C1GALT1: variants seen among roughly 807,000 people sequenced by gnomAD.
The protein encoded by C1GALT1 is core 1 synthase, glycoprotein-N-acetylgalactosamine 3-beta-galactosyltransferase 1, also known as glycoprotein-N-acetylgalactosamine 3-beta-galactosyltransferase 1.
C1GALT1 carries 11 observed loss-of-function variants against 31.0 expected under a neutral mutation model. The observed-to-expected ratio is 0.36, with a 90% CI of 0.22 to 0.59. The LOEUF is 0.59. Among genes scored for constraint, C1GALT1 ranks in the 20% least tolerant of loss-of-function variants. C1GALT1 has a pLI of 0.79. For missense variants in C1GALT1, 424 were observed against 425.2 expected (o/e 1.00, Z 0.03); for synonymous variants, 175 against 143.6 (o/e 1.22, Z -1.56).
chr7:7,188,159 C>T (rs1206214153), intron 1 of C1GALT1, among the ~76,000 whole-genome samples: 1 of 152,062 alleles, frequency 6.6e-6, no homozygotes, highest in Non-Finnish European at 1.5e-5. Context: ...GTAATGTTGG[C>T]AAGACTTGGT....
At chr7:7,182,860 G>A (rs1780644674) in intron 1 of C1GALT1, 40 bp downstream of exon 1, 1 of 985,356 alleles carries the variant, frequency 1.0e-6, no homozygotes, top group Non-Finnish European at 1.2e-6. Context: ...CGGGTCCAAG[G>A]TCTCGTCTCC....
intron 1 of C1GALT1, among the ~76,000 whole-genome samples, chr7:7,219,726 A>G (rs758446947): frequency 7.9e-5 from 12 of 152,200 alleles, no homozygotes; most frequent in Non-Finnish European, 1.3e-4. Flanking sequence ...TTGAAATATT[A>G]GAAGCATTTT....
At chr7:7,225,878 T>G (rs1185934067) in intron 1 of C1GALT1, among the ~76,000 whole-genome samples, 3 of 152,162 alleles carry the variant, frequency 2.0e-5, no homozygotes, top group Non-Finnish European at 2.9e-5. Context: ...AAGATAATTT[T>G]AGAGAGAAAG....
At chr7:7,230,070 C>G (rs958756259) in intron 1 of C1GALT1, among the ~76,000 whole-genome samples, 1 of 152,070 alleles carries the variant, frequency 6.6e-6, no homozygotes, top group African/African-American at 2.4e-5. Context: ...GTTTTTCTTC[C>G]CAAACTGGAA....
At chr7:7,217,715 C>A (rs1377637272) in intron 1 of C1GALT1, among the ~76,000 whole-genome samples, 2 of 152,034 alleles carry the variant, frequency 1.3e-5, no homozygotes, top group African/African-American at 4.8e-5. Flanking sequence ...ACTCTGTTGC[C>A]CAGGCTGGAG....
At chr7:7,243,263 G>A (rs73049974) in intron 3 of C1GALT1, among the ~76,000 whole-genome samples, 11,294 of 152,172 alleles carry the variant, frequency 0.074, 606 homozygotes, top group East Asian at 0.17. Context: ...GCTAAAGAGT[G>A]TGAGAGAATA....
chr7:7,230,377 C>G (rs1783012060), intron 1 of C1GALT1, among the ~76,000 whole-genome samples: 1 of 152,050 alleles, frequency 6.6e-6, no homozygotes, highest in Non-Finnish European at 1.5e-5. Flanking sequence ...ATAAGCTTTC[C>G]TTTAATTACT....
intron 2 of C1GALT1, among the ~76,000 whole-genome samples, chr7:7,158,015 G>C (rs1431799655): frequency 6.6e-6 from 1 of 152,158 alleles, no homozygotes; most frequent in Non-Finnish European, 1.5e-5. Flanking sequence ...TCCTCAAGTT[G>C]CTGTTGCATT....
intron 1 of C1GALT1, among the ~76,000 whole-genome samples, chr7:7,200,297 T>C (rs1299917728): frequency 1.3e-5 from 2 of 152,356 alleles, no homozygotes; most frequent in East Asian, 3.9e-4. Context: ...CCTTCACTTA[T>C]GAAGCTTAGT....
At chr7:7,166,035 G>T (rs919516643) in intron 2 of C1GALT1, among the ~76,000 whole-genome samples, 8 of 152,176 alleles carry the variant, frequency 5.3e-5, no homozygotes, top group African/African-American at 1.9e-4. Context: ...AATACTTCTG[G>T]TCCCAGGCAC....
At chr7:7,230,622 CT>C (rs57276821) in intron 1 of C1GALT1, among the ~76,000 whole-genome samples, 3,870 of 121,424 alleles carry the variant, frequency 0.032, 164 homozygotes, top group African/African-American at 0.1. Flanking sequence ...TCTATATTCC[CT>C]TTTTTTTTTT....
At chr7:7,199,490 G>A (rs532593179) in intron 1 of C1GALT1, among the ~76,000 whole-genome samples, 32 of 152,292 alleles carry the variant, frequency 2.1e-4, no homozygotes, top group Non-Finnish European at 3.7e-4. Flanking sequence ...AGTGTGATGT[G>A]GTGCTGAGAA....
chr7:7,226,013 C>G (rs974398721), intron 1 of C1GALT1, among the ~76,000 whole-genome samples: 1 of 151,968 alleles, frequency 6.6e-6, no homozygotes, highest in African/African-American at 2.4e-5. Context: ...TGGTTTGGGT[C>G]CATTTAATTA....
chr7:7,168,361 G>A (rs1372075532), intron 2 of C1GALT1, among the ~76,000 whole-genome samples: 1 of 151,764 alleles, frequency 6.6e-6, no homozygotes, highest in Non-Finnish European at 1.5e-5. Context: ...AAGGAGTTGA[G>A]GTATATTATC....
intron 1 of C1GALT1, among the ~76,000 whole-genome samples, chr7:7,212,008 T>TA (rs1782028915): frequency 6.6e-6 from 1 of 152,260 alleles, no homozygotes; most frequent in Admixed American, 6.5e-5. Flanking sequence ...ACTTTAGTCT[T>TA]ATACTTGGCC....
intron 1 of C1GALT1, among the ~76,000 whole-genome samples, chr7:7,187,215 A>G (rs942191966): frequency 2.0e-5 from 3 of 152,102 alleles, no homozygotes; most frequent in South Asian, 2.1e-4. Context: ...CTCAAAGGCA[A>G]TTAGTGTTAA....
chr7:7,220,291 A>T (rs980099360), intron 1 of C1GALT1, among the ~76,000 whole-genome samples: 1 of 152,216 alleles, frequency 6.6e-6, no homozygotes, highest in Non-Finnish European at 1.5e-5. Flanking sequence ...ATGAATAATT[A>T]CTCAGTGTTA....
chr7:7,200,856 T>G (rs761940151), intron 1 of C1GALT1, among the ~76,000 whole-genome samples: 1 of 152,242 alleles, frequency 6.6e-6, no homozygotes, highest in African/African-American at 2.4e-5. Context: ...TCAAGTCATT[T>G]AAGGACTTCC....
chr7:7,238,507 A>G lies in C1GALT1; in HGVS notation c.473A>G (p.Tyr158Cys), dbSNP rs1783472785. Residue 158 changes from tyrosine to cysteine, a missense_variant, in exon 3 of 4, where the codon TAT becomes TGT. Around this residue, in one of 3 missense-constraint regions of C1GALT1, gnomAD observed 44 missense variants for 78.3 expected, o/e 0.56. Transcript: ENST00000436587. The surrounding 1 kb of genome is among the most constrained non-coding windows in gnomAD (Gnocchi z 5.2). ...GCTTTTCAGTATGTTCATGAACATT[A>G]TTTAGAAGATGCTGATTGGTTTTTG... ...IKAFQYVHEH[Y>C]LEDADWFLKA... 1 of 1,614,136 alleles carries G rather than the reference A, an allele frequency of 6.2e-7. No homozygotes were observed.
Sources: gnomAD v4.1 joint callset for allele counts (sites outside exome capture counted in the v4.1 genomes callset) on GRCh38, gnomAD v4.1.1 for gene constraint, gnomAD v4.1.1 regional missense constraint, Gnocchi (gnomAD v3.1) non-coding constraint, MANE v1.5 for transcripts, NCBI Gene and HGNC (gene_info 2026-07-23, HGNC 2026-07-21) for gene names.